Variants in PPM1H observed in about 807,000 individuals in gnomAD.
PPM1H encodes protein phosphatase, Mg2+/Mn2+ dependent 1H.
PPM1H carries 27 observed loss-of-function variants against 54.9 expected under a neutral mutation model. That is an observed-to-expected ratio of 0.49 (90% CI 0.36 to 0.68). PPM1H has a LOEUF of 0.68. Ranked by LOEUF, PPM1H falls within the 30% of genes least tolerant of loss-of-function variation. PPM1H has a pLI of 0.00. For missense variants in PPM1H, 596 were observed against 667.8 expected (o/e 0.89, Z 1.19); for synonymous variants, 305 against 270.8 (o/e 1.13, Z -1.24).
At chr12:62,933,479 C>A (rs1565833390) in intron 1 of PPM1H, among the ~76,000 whole-genome samples, 2 of 152,096 alleles carry the variant, frequency 1.3e-5, no homozygotes, top group East Asian at 3.9e-4. Context: ...CCAAAACTAC[C>A]GAGGGGATGG....
At chr12:62,674,428 C>T (rs2075974641) in intron 8 of PPM1H, among the ~76,000 whole-genome samples, 1 of 152,200 alleles carries the variant, frequency 6.6e-6, no homozygotes, top group South Asian at 2.1e-4. Context: ...ACCTATGGAT[C>T]TTTGAATATG....
intron 2 of PPM1H, among the ~76,000 whole-genome samples, chr12:62,823,464 A>G (rs1203786701): frequency 1.3e-5 from 2 of 152,218 alleles, no homozygotes; most frequent in Non-Finnish European, 2.9e-5. Context: ...ATTTTAGACC[A>G]ATATTCCTGA....
intron 6 of PPM1H, among the ~76,000 whole-genome samples, chr12:62,714,602 A>G (rs550429346): frequency 6.6e-6 from 1 of 152,148 alleles, no homozygotes; most frequent in Admixed American, 6.5e-5. Context: ...CAATGGTCAG[A>G]GGAAGTATTT....
intron 4 of PPM1H, among the ~76,000 whole-genome samples, chr12:62,765,536 C>T (rs974161294): frequency 6.6e-6 from 1 of 152,180 alleles, no homozygotes; most frequent in African/African-American, 2.4e-5. Context: ...AACACCTAAG[C>T]AGAGTTGAGC....
At chr12:62,828,753 TAAC>T (rs1868317117) in intron 2 of PPM1H, among the ~76,000 whole-genome samples, 1 of 152,112 alleles carries the variant, frequency 6.6e-6, no homozygotes, top group South Asian at 2.1e-4. Flanking sequence ...CAAACAAAAA[TAAC>T]AACAGAACAG....
At chr12:62,756,707 G>A (rs2120595303) in intron 4 of PPM1H, among the ~76,000 whole-genome samples, 1 of 151,780 alleles carries the variant, frequency 6.6e-6, no homozygotes. Context: ...GTAGGGGAGG[G>A]GAAAAGAAGG....
chr12:62,781,003 C>T (rs981953283), intron 4 of PPM1H, among the ~76,000 whole-genome samples: 7 of 152,326 alleles, frequency 4.6e-5, no homozygotes, highest in Middle Eastern at 3.4e-3. Flanking sequence ...GTAAGAGACA[C>T]GGGACGTGTT....
intron 4 of PPM1H, among the ~76,000 whole-genome samples, chr12:62,746,225 G>C (rs2076409983): frequency 6.6e-6 from 1 of 152,078 alleles, no homozygotes; most frequent in Non-Finnish European, 1.5e-5. Flanking sequence ...AACAAAGTGT[G>C]AACAGGTGTG....
At chr12:62,724,304 T>C (rs1259463994) in intron 5 of PPM1H, among the ~76,000 whole-genome samples, 3 of 152,232 alleles carry the variant, frequency 2.0e-5, no homozygotes, top group East Asian at 3.8e-4. Flanking sequence ...CATGAATGGG[T>C]AAGAAATCTC....
chr12:62,743,717 GAAA>G (rs903864223), intron 4 of PPM1H, among the ~76,000 whole-genome samples: 23 of 151,372 alleles, frequency 1.5e-4, no homozygotes, highest in Admixed American at 7.2e-4. Flanking sequence ...ACAAGCAGAA[GAAA>G]AAAAGCTGAT....
At chr12:62,925,882 T>C (rs1388852766) in intron 1 of PPM1H, among the ~76,000 whole-genome samples, 2 of 152,248 alleles carry the variant, frequency 1.3e-5, no homozygotes, top group African/African-American at 4.8e-5. Context: ...CATTTGTCTA[T>C]TTGGTCATTT....
chr12:62,839,631 A>T (rs922117850), intron 1 of PPM1H, among the ~76,000 whole-genome samples: 2 of 150,982 alleles, frequency 1.3e-5, no homozygotes, highest in Non-Finnish European at 2.9e-5. Flanking sequence ...GTAACCTTGC[A>T]ATTAGATCTC....
intron 4 of PPM1H, among the ~76,000 whole-genome samples, chr12:62,767,810 C>A (rs1419822897): frequency 6.6e-6 from 1 of 152,200 alleles, no homozygotes; most frequent in Non-Finnish European, 1.5e-5. Context: ...GGCCTCTTCC[C>A]AGCTTCTGGT....
At chr12:62,662,843 G>T (rs749463488) in intron 9 of PPM1H, among the ~76,000 whole-genome samples, 1 of 152,010 alleles carries the variant, frequency 6.6e-6, no homozygotes, top group South Asian at 2.1e-4. Context: ...TATTCCCCTT[G>T]GTATCTGCCT....
At chr12:62,898,739 C>T (rs1160126955) in intron 1 of PPM1H, among the ~76,000 whole-genome samples, 1 of 152,190 alleles carries the variant, frequency 6.6e-6, no homozygotes, top group Non-Finnish European at 1.5e-5. Flanking sequence ...TTTCTCCAAA[C>T]AACTTCCTGA....
intron 4 of PPM1H, among the ~76,000 whole-genome samples, chr12:62,747,133 T>G (rs1380393616): frequency 1.3e-5 from 1 of 79,336 alleles, no homozygotes; most frequent in Non-Finnish European, 2.3e-5. Flanking sequence ...TTAAAAAAGG[T>G]TTTTTTTCTT....
chr12:62,725,610 T>A (rs2076285589), intron 5 of PPM1H, among the ~76,000 whole-genome samples: 1 of 152,226 alleles, frequency 6.6e-6, no homozygotes, highest in African/African-American at 2.4e-5. Context: ...GTCTTCAATT[T>A]CTCATAAAGT....
At chr12:62,752,045 G>A (rs1267612404) in intron 4 of PPM1H, among the ~76,000 whole-genome samples, 2 of 152,192 alleles carry the variant, frequency 1.3e-5, no homozygotes, top group African/African-American at 4.8e-5. Flanking sequence ...ATTAAGTTGG[G>A]TTTGGGAGCT....
intron 5 of PPM1H, among the ~76,000 whole-genome samples, chr12:62,736,041 A>G (rs1219924866): frequency 6.6e-6 from 1 of 152,202 alleles, no homozygotes; most frequent in Non-Finnish European, 1.5e-5. Context: ...TGCATTCTGT[A>G]AATTGCAGGG....
Sources: gnomAD v4.1 joint callset for allele counts (sites outside exome capture counted in the v4.1 genomes callset) on GRCh38, gnomAD v4.1.1 for gene constraint, MANE v1.5 for transcripts, NCBI Gene and HGNC (gene_info 2026-07-23, HGNC 2026-07-21) for gene names.